Variants in NCOR2 observed in about 807,000 individuals in gnomAD.
NCOR2 encodes CTG repeat protein 26.
Under a neutral mutation model 262.9 loss-of-function variants are expected in NCOR2, and 81 were observed. The observed-to-expected ratio is 0.31, with a 90% confidence interval of 0.26 to 0.37. The LOEUF is 0.37. Ranked by LOEUF, NCOR2 falls within the 10% of genes least tolerant of loss-of-function variation. The pLI, the probability that NCOR2 is intolerant of heterozygous loss-of-function variation, is 1.00. For synonymous variants in NCOR2, 1,659 were observed against 1,559.3 expected, an observed-to-expected ratio of 1.06 and a Z score of -1.51; for missense variants, 3,385 against 3,621.4, an observed-to-expected ratio of 0.93 and a Z score of 1.68.
chr12:124,490,020 G>A (rs1396131468), intron 1 of NCOR2, among the ~76,000 whole-genome samples: 1 of 152,212 alleles, frequency 6.6e-6, no homozygotes, highest in Non-Finnish European at 1.5e-5. Flanking sequence ...AGCAAAGGAA[G>A]AATTCAGCAC....
At chr12:124,330,958 C>G in intron 43 of NCOR2, 60 bp from the exon 46 acceptor site, 1 of 1,534,390 alleles carries the variant, frequency 6.5e-7, no homozygotes, top group Non-Finnish European at 8.8e-7. Context: ...CCTGCCCTAC[C>G]AGTCCCGTGT....
intron 3 of NCOR2, among the ~76,000 whole-genome samples, chr12:124,476,915 A>T (rs868581811): frequency 8.7e-6 from 1 of 115,482 alleles, no homozygotes; most frequent in Non-Finnish European, 2.0e-5. Context: ...AAAAAAAAAA[A>T]AAAAAGGAAT....
chr12:124,379,813 C>G (rs2040280876), intron 17 of NCOR2, among the ~76,000 whole-genome samples: 1 of 152,218 alleles, frequency 6.6e-6, no homozygotes, highest in Non-Finnish European at 1.5e-5. Flanking sequence ...GGACTGACAG[C>G]CTTGGAAGAA....
At chr12:124,477,408 C>T (rs2047161979) in intron 3 of NCOR2, among the ~76,000 whole-genome samples, 1 of 152,226 alleles carries the variant, frequency 6.6e-6, no homozygotes, top group East Asian at 1.9e-4. Context: ...TGTGAGTCAA[C>T]TAAACCTTTT....
At chr12:124,480,939 C>T (rs1202237374) in intron 3 of NCOR2, among the ~76,000 whole-genome samples, 9 of 116,066 alleles carry the variant, frequency 7.8e-5, no homozygotes, top group East Asian at 4.7e-4. Context: ...GGGTGAGGGG[C>T]GGCTGGGAGG....
At chr12:124,524,912 T>C (rs2050381443) in intron 1 of NCOR2, among the ~76,000 whole-genome samples, 1 of 152,222 alleles carries the variant, frequency 6.6e-6, no homozygotes, top group African/African-American at 2.4e-5. Flanking sequence ...AATGTCCAAC[T>C]TCTCCACCAT....
chr12:124,414,118 G>A (rs1332876776), intron 13 of NCOR2, among the ~76,000 whole-genome samples: 2 of 152,214 alleles, frequency 1.3e-5, no homozygotes, highest in African/African-American at 4.8e-5. Flanking sequence ...CTACCTGGCG[G>A]ATCAGGGCTG....
chr12:124,363,482 C>T (rs1593223867), intron 21 of NCOR2, among the ~76,000 whole-genome samples, 197 bp downstream of exon 23: 2 of 152,268 alleles, frequency 1.3e-5, no homozygotes, highest in Admixed American at 1.3e-4. Flanking sequence ...TTCCCGCCTT[C>T]ACTGGGAGCC....
chr12:124,369,186 C>A (rs2039280850), intron 20 of NCOR2, among the ~76,000 whole-genome samples: 1 of 152,174 alleles, frequency 6.6e-6, no homozygotes, highest in South Asian at 2.1e-4. Context: ...CACCCAGGCA[C>A]CTTCTCTGAA....
intron 44 of NCOR2, among the ~76,000 whole-genome samples, chr12:124,330,579 G>A (rs2035094709): frequency 6.6e-6 from 1 of 152,230 alleles, no homozygotes; most frequent in African/African-American, 2.4e-5. Context: ...TCCAGCTGGT[G>A]AGGGTGCATC....
Position 124,351,920 on chromosome 12 carries a change from C to T in NCOR2, c.3694-1183G>A, listed in dbSNP as rs150771424. 2.1e-3 allele frequency among the ~76,000 whole-genome samples: 323 copies of T among 152,346 alleles called. 2 individuals are homozygous for T. Among genetic ancestry groups the T allele is most frequent in the African/African-American group, 7.6e-3 (314 of 41,570 alleles). On this transcript the variant is annotated intron_variant, in intron 27 of 46. Transcript: ENST00000405201. ...GGACCAGTGAGCTCTGAGTCTCTGG[C>T]TGGACTTGCTTGGCTGGGGACATCC... is the stretch of plus-strand genomic sequence containing the variant.
intron 7 of NCOR2, among the ~76,000 whole-genome samples, chr12:124,445,156 C>G (rs2045062887): frequency 6.6e-6 from 1 of 152,174 alleles, no homozygotes; most frequent in African/African-American, 2.4e-5. Flanking sequence ...CAGGGCAACC[C>G]CCGGGCAGGC....
intron 42 of NCOR2, 88 bp from the exon 45 acceptor site, chr12:124,332,555 T>C: frequency 1.3e-6 from 2 of 1,566,370 alleles, no homozygotes; most frequent in African/African-American, 1.4e-5. Flanking sequence ...TGAGATGCCT[T>C]AGACATTTGG....
intron 1 of NCOR2, among the ~76,000 whole-genome samples, chr12:124,564,958 G>A (rs1442030060): frequency 1.7e-5 from 2 of 118,148 alleles, no homozygotes; most frequent in Non-Finnish European, 3.3e-5. Flanking sequence ...CCCCAGCCCA[G>A]GGCTTCCATG....
chr12:124,509,238 G>GGT (rs56314012), intron 1 of NCOR2, among the ~76,000 whole-genome samples: 1 of 116,528 alleles, frequency 8.6e-6, no homozygotes, highest in South Asian at 3.2e-4. Flanking sequence ...GCTTTGGTGG[G>GGT]GGGGGGGGGG....
At chr12:124,413,231 C>T (rs540785483) in intron 13 of NCOR2, among the ~76,000 whole-genome samples, 95 of 152,320 alleles carry the variant, frequency 6.2e-4, no homozygotes, top group Non-Finnish European at 9.0e-4. Flanking sequence ...GAGGGGCGGT[C>T]GTGCCCACTC....
exon 38 of NCOR2, chr12:124,336,785 A>T: frequency 1.2e-6 from 2 of 1,613,334 alleles, no homozygotes; most frequent in Non-Finnish European, 1.7e-6. Context: ...CTGGATGGAA[A>T]AGGGTTTACT....
intron 1 of NCOR2, among the ~76,000 whole-genome samples, chr12:124,492,931 C>T (rs1261801477): frequency 6.6e-6 from 1 of 152,150 alleles, no homozygotes; most frequent in Non-Finnish European, 1.5e-5. Context: ...CAGGAGGGTC[C>T]GATATGGGGC....
intron 1 of NCOR2, among the ~76,000 whole-genome samples, chr12:124,544,779 G>A (rs73427614): frequency 0.026 from 3,901 of 152,220 alleles, 171 homozygotes; most frequent in African/African-American, 0.089. Flanking sequence ...CAGAGTCCCC[G>A]GTGGGCCCCA....
Sources: gnomAD v4.1 joint callset for allele counts (sites outside exome capture counted in the v4.1 genomes callset) on GRCh38, gnomAD v4.1.1 for gene constraint, MANE v1.5 for transcripts, NCBI Gene and HGNC (gene_info 2026-07-23, HGNC 2026-07-21) for gene names.